The following INPP4B variants were observed in gnomAD, a reference collection of about 807,000 sequenced individuals.
The protein encoded by INPP4B is inositol polyphosphate 4-phosphatase type II.
A neutral mutation model predicts 122.5 loss-of-function variants in INPP4B; 55 were observed. The ratio of observed to expected loss-of-function variants is 0.45; its 90% CI spans 0.36 to 0.56. INPP4B has a LOEUF of 0.56. INPP4B is among the 20% of genes least tolerant of loss of function. The pLI is 0.00. For synonymous variants in INPP4B, 403 were observed against 388.7 expected, an observed-to-expected ratio of 1.04 and a Z score of -0.43; for missense variants, 1,000 against 1,097.7, an observed-to-expected ratio of 0.91 and a Z score of 1.26.
chr4:142,131,240 TATCAATATGTCTAC>T (rs1801101144), intron 18 of INPP4B, among the ~76,000 whole-genome samples: 1 of 152,162 alleles, frequency 6.6e-6, no homozygotes, highest in East Asian at 1.9e-4. Context: ...AACCTGAAAT[TATCAATATGTCTAC>T]ATCAGTGAGC....
rs532973992 is a variant in INPP4B, at chr4:142,714,440, TC to T, written c.-191+11398del. The stretch of plus-strand genomic sequence containing the variant: ...TGCTTGAAAATTGAAGTGTTTGTTT[TC>T]CCTTTTGACCAGCTAAAGTCTATGG... On this transcript the variant is annotated intron_variant, in intron 2 of 25. Coordinates refer to ENST00000262992, the MANE Select transcript of INPP4B (RefSeq NM_001101669.3). Among the ~76,000 whole-genome samples the T allele has an allele frequency of 2.2e-4, 33 of 152,328 alleles. No individual in the cohort carries two copies. In the South Asian group the frequency reaches 4.3e-3, roughly 20 times the overall value.
At chr4:142,842,557 T>TA (rs977708251) in intron 1 of INPP4B, among the ~76,000 whole-genome samples, 5 of 141,514 alleles carry the variant, frequency 3.5e-5, no homozygotes, top group Non-Finnish European at 7.6e-5. Flanking sequence ...CTATTATATA[T>TA]AATATATAAT....
intron 1 of INPP4B, among the ~76,000 whole-genome samples, chr4:142,798,318 T>C (rs1327570536): frequency 6.6e-6 from 1 of 151,836 alleles, no homozygotes; most frequent in Admixed American, 6.6e-5. Context: ...TTCAAGAGGA[T>C]AAGAAGTGGG....
chr4:142,318,893 T>A (rs553414437), intron 7 of INPP4B, among the ~76,000 whole-genome samples: 15 of 152,314 alleles, frequency 9.8e-5, no homozygotes, highest in African/African-American at 3.6e-4. Context: ...CTGCTTCAGC[T>A]ACCAATACAG....
At chr4:142,640,731 T>C (rs954923886) in intron 2 of INPP4B, among the ~76,000 whole-genome samples, 6 of 151,318 alleles carry the variant, frequency 4.0e-5, no homozygotes, top group Non-Finnish European at 8.8e-5. Context: ...ACAATTAAAA[T>C]AGACAACATA....
At chr4:142,560,552 C>G (rs578132591) in intron 2 of INPP4B, 1 of 152,300 alleles carries the variant, frequency 6.6e-6, no homozygotes, top group South Asian at 2.1e-4. Flanking sequence ...GGGAGGCCAA[C>G]AGTGTAGCCT....
chr4:142,122,049 A>G (rs1690764754), intron 21 of INPP4B, 79 bp downstream of exon 21: 1 of 868,734 alleles, frequency 1.2e-6, no homozygotes, highest in South Asian at 1.6e-5. Context: ...TCAAACCTGA[A>G]TTCTCCTTGC....
At chr4:142,190,927 G>C (rs1253720402) in intron 15 of INPP4B, among the ~76,000 whole-genome samples, 1 of 152,086 alleles carries the variant, frequency 6.6e-6, no homozygotes. Flanking sequence ...TTCACATACT[G>C]ATGCTTTCTA....
intron 7 of INPP4B, among the ~76,000 whole-genome samples, chr4:142,331,628 T>A (rs2635425): frequency 0.49 from 74,151 of 151,994 alleles, 18,168 homozygotes; most frequent in Non-Finnish European, 0.52. Flanking sequence ...TAACAAGCAC[T>A]ATCTATTCGA....
intron 5 of INPP4B, among the ~76,000 whole-genome samples, chr4:142,419,937 T>A (rs1806517517): frequency 6.6e-6 from 1 of 152,076 alleles, no homozygotes; most frequent in South Asian, 2.1e-4. Flanking sequence ...GAGGTAGTCC[T>A]GATTCCTCAA....
At chr4:142,219,805 T>G (rs1476992310) in intron 12 of INPP4B, among the ~76,000 whole-genome samples, 1 of 152,182 alleles carries the variant, frequency 6.6e-6, no homozygotes, top group Non-Finnish European at 1.5e-5. Context: ...CTATTGAATA[T>G]TCTATGTCAA....
chr4:142,625,393 G>A (rs977107073), intron 2 of INPP4B, among the ~76,000 whole-genome samples: 3 of 152,122 alleles, frequency 2.0e-5, no homozygotes, highest in African/African-American at 7.2e-5. Flanking sequence ...TTGCTTCAAA[G>A]TGAATAAAAT....
At chr4:142,340,285 C>T (rs1260171948) in intron 7 of INPP4B, among the ~76,000 whole-genome samples, 1 of 152,138 alleles carries the variant, frequency 6.6e-6, no homozygotes, top group Non-Finnish European at 1.5e-5. Flanking sequence ...CCCCATCTTA[C>T]TAGATGCTGT....
In INPP4B at chr4:142,165,070, G is replaced by A. The variant is rs144262605; in HGVS notation, c.1360-4509C>T. On this transcript the variant is annotated intron_variant, in intron 16 of 25. Coordinates refer to ENST00000262992, the MANE Select transcript of INPP4B (RefSeq NM_001101669.3). ...CCCATAGTTCAACTGTCATCTTTAC[G>A]CCAAGGTCTAATAAATCCATCTCTA... Among the ~76,000 whole-genome samples the A allele has an allele frequency of 1.1e-3, 162 of 151,694 alleles. 1 individual carries two copies. The highest frequency in any genetic ancestry group is 3.7e-3 in the African/African-American group (154 of 41,446).
At chr4:142,120,497 C>A (rs894892384) in intron 21 of INPP4B, among the ~76,000 whole-genome samples, 1 of 152,086 alleles carries the variant, frequency 6.6e-6, no homozygotes, top group Non-Finnish European at 1.5e-5. Context: ...CTATTAATTT[C>A]TCTCAGCAAT....
At chr4:142,572,756 A>T (rs1733097396) in intron 2 of INPP4B, among the ~76,000 whole-genome samples, 1 of 152,058 alleles carries the variant, frequency 6.6e-6, no homozygotes, top group African/African-American at 2.4e-5. Flanking sequence ...CAATGTGAGA[A>T]AAACAATAAT....
chr4:142,442,909 C>T (rs1053674416), intron 3 of INPP4B, among the ~76,000 whole-genome samples: 3 of 152,114 alleles, frequency 2.0e-5, no homozygotes, highest in Admixed American at 1.3e-4. Context: ...GAAACAAAGG[C>T]ACATCTTACA....
chr4:142,329,145 G>A lies in INPP4B; in HGVS notation c.373-14383C>T, dbSNP rs111415186. 4.3e-3 allele frequency among the ~76,000 whole-genome samples: 649 copies of A among 152,342 alleles called. 8 individuals carry two copies. The highest frequency in any genetic ancestry group is 0.014 in the African/African-American group (601 of 41,574). ...AGGAAGACATGGACAATATCAAAAT[G>A]TGTAAAGAAAGTAAAATATTAAAAT... On this transcript the variant is annotated intron_variant, in intron 7 of 25. Transcript: ENST00000262992.
intron 25 of INPP4B, among the ~76,000 whole-genome samples, chr4:142,032,451 A>G (rs1740884663): frequency 6.6e-6 from 1 of 152,112 alleles, no homozygotes; most frequent in African/African-American, 2.4e-5. Flanking sequence ...CCCCAAGATG[A>G]TCTTGGAAGG....
Sources: gnomAD v4.1 joint callset for allele counts (sites outside exome capture counted in the v4.1 genomes callset) on GRCh38, gnomAD v4.1.1 for gene constraint, MANE v1.5 for transcripts, NCBI Gene and HGNC (gene_info 2026-07-23, HGNC 2026-07-21) for gene names.